The following MCM3AP variants were observed in gnomAD, a reference collection of about 807,000 sequenced individuals.
MCM3AP encodes the protein minichromosome maintenance complex component 3 associated protein, also known as germinal-center associated nuclear protein.
Under a neutral mutation model 184.1 loss-of-function variants are expected in MCM3AP, and 126 were observed. That is an observed-to-expected ratio of 0.68 (90% CI 0.59 to 0.79). The LOEUF is 0.79. Among genes scored for constraint, MCM3AP ranks in the 30% least tolerant of loss-of-function variants. MCM3AP has a pLI of 0.00. For missense variants in MCM3AP, 2,496 were observed against 2,479.2 expected (o/e 1.01, Z -0.14); for synonymous variants, 1,002 against 979.3 (o/e 1.02, Z -0.43).
intron 27 of MCM3AP, among the ~76,000 whole-genome samples, chr21:46,236,047 A>G (rs2080518835): frequency 6.6e-6 from 1 of 152,234 alleles, no homozygotes; most frequent in Admixed American, 6.5e-5. Flanking sequence ...TTCGACTTTC[A>G]TACAATAATG....
chr21:46,277,635 C>T lies in MCM3AP; in HGVS notation c.1750G>A (p.Gly584Ser). 6.2e-7 allele frequency: 1 copy of T among 1,611,594 alleles called. No individual in the cohort carries two copies. The change falls in exon 5 of 28, where the codon GGC becomes AGC. Residue 584 changes from glycine (G) to serine (S), a missense_variant. Around this residue, in one of 5 missense-constraint regions of MCM3AP, gnomAD observed 800 missense variants for 717.1 expected, o/e 1.12. Coordinates refer to ENST00000291688, the MANE Select transcript of MCM3AP (RefSeq NM_003906.5). ...AGGGAGAGCACACATGGCCCGAGGC[C>T]CTCGGAGCCCTCGGAGGCTGAGTCA... ...SFDSASEGSEGLGPCVLSLST... is the reference protein window; with the variant it reads ...SFDSASEGSESLGPCVLSLST...
At position 46,243,644 on chromosome 21, in the gene MCM3AP, A is replaced by C; in HGVS notation, c.5117T>G (p.Leu1706Arg). ...GAGCAGGTTCTCCACCTGGGACTGG[A>C]GGACAGGCTGTGTCTGGCGTGAGCT... is the stretch of plus-strand genomic sequence containing the variant. ...IPSSRQTQPV[L>R]QSQVENLLHR... The change falls in exon 24 of 28, where the codon CTC becomes CGC. Residue 1706 changes from leucine (L) to arginine (R), a missense_variant. Around this residue, in one of 5 missense-constraint regions of MCM3AP, gnomAD observed 1,323 missense variants for 1,273.4 expected, o/e 1.04. Transcript: ENST00000291688. 1 of 1,614,214 alleles carries C rather than the reference A, an allele frequency of 6.2e-7. No homozygotes were observed. Among genetic ancestry groups the C allele is most frequent in the Admixed American group, 1.7e-5 (1 of 60,028 alleles).
At position 46,256,819 on chromosome 21, in the gene MCM3AP, T is replaced by A. The variant is rs1330497633; in HGVS notation, c.3902A>T (p.His1301Leu). 2 of 1,560,738 alleles carry A rather than the reference T, an allele frequency of 1.3e-6. No homozygotes were observed. Among genetic ancestry groups the A allele is most frequent in the African/African-American group, 2.7e-5 (2 of 73,682 alleles). Residue 1301 changes from histidine to leucine, a missense_variant, in exon 17 of 28, where the codon CAT (histidine) becomes CTT (leucine). Physicochemically the swap from His to Leu is moderately conservative, Grantham distance 99 (BLOSUM62 -3). This residue lies in a region of MCM3AP where 1,323 missense variants were observed against 1,273.4 expected (regional missense o/e 1.04). Transcript: ENST00000291688. ...NLARGLLDLG[H>L]AGRLGISCTR... is the part of the protein sequence containing the mutation. ...GCAGGAGATGCCCAATCTCCCTGCATGGCCCAGGTCCAGGAGGCCCCTGGC... is the reference window on the plus strand; with the variant it reads ...GCAGGAGATGCCCAATCTCCCTGCAAGGCCCAGGTCCAGGAGGCCCCTGGC...
Position 46,243,510 on chromosome 21 carries a change from G to A in MCM3AP, c.5251C>T (p.His1751Tyr). ...WDDLIALCIN[H>Y]KLRDWTPPRL... The stretch of plus-strand genomic sequence containing the variant: ...GGGGGCGTCCAGTCTCTCAGCTTGT[G>A]GTTGATACACAAGGCGATAAGATCA... Residue 1751 changes from histidine to tyrosine, a missense_variant, in exon 24 of 28, where the codon CAC (histidine) becomes TAC (tyrosine). By Grantham distance (83) the His-to-Tyr change is moderately conservative (BLOSUM62 2). Coordinates refer to ENST00000291688, the MANE Select transcript of MCM3AP (RefSeq NM_003906.5). The A allele has an allele frequency of 6.2e-7, 1 of 1,614,122 alleles. No homozygotes were observed. The highest frequency in any genetic ancestry group is 2.2e-5 in the East Asian group (1 of 44,882).
chr21:46,235,994 A>G (rs1031559891), intron 27 of MCM3AP, among the ~76,000 whole-genome samples: 8 of 152,356 alleles, frequency 5.3e-5, no homozygotes, highest in African/African-American at 1.7e-4. Flanking sequence ...TGAATGTGTT[A>G]TAATTGTTTA....
chr21:46,262,069 CA>C (rs1469850515), intron 13 of MCM3AP, among the ~76,000 whole-genome samples: 1 of 152,096 alleles, frequency 6.6e-6, no homozygotes, highest in Non-Finnish European at 1.5e-5. Flanking sequence ...TGGCTGCCAG[CA>C]GAAAAATTAA....
intron 11 of MCM3AP, 47 bp downstream of exon 11, chr21:46,265,867 AGGCGTTCTGGT>A (rs1326728965): frequency 1.3e-6 from 2 of 1,502,346 alleles, no homozygotes; most frequent in Non-Finnish European, 1.8e-6. Context: ...GGCTCCTGGG[AGGCGTTCTGGT>A]GGGAAAATGC....
chr21:46,277,886 A>C (rs2081276304), intron 4 of MCM3AP, among the ~76,000 whole-genome samples, 169 bp from the exon 5 acceptor site: 1 of 152,198 alleles, frequency 6.6e-6, no homozygotes, highest in Non-Finnish European at 1.5e-5. Context: ...TGAGCACAAA[A>C]GCGTTATTCA....
chr21:46,266,126 C>A lies in MCM3AP; in HGVS notation c.2830G>T (p.Gly944Ter). 6.2e-7 allele frequency: 1 copy of A among 1,611,770 alleles called. No individual in the cohort carries two copies. The highest frequency in any genetic ancestry group is 8.5e-7 in the Non-Finnish European group (1 of 1,178,992). Residue 944 changes from glycine to a stop codon, truncating the protein, a stop_gained, in exon 11 of 28, where the codon GGA becomes TGA. Transcript: ENST00000291688. LOFTEE classifies it high-confidence loss of function. The stretch of plus-strand genomic sequence containing the variant: ...ACCGACTTCCTGGTCTTGGATAATC[C>A]CTCTGGTTCCAGGAATGCAGACCGG... ...LNRSAFLEPE[G>*]LSKTRKSVFI...
chr21:46,278,994 A>G (rs2081290907), intron 4 of MCM3AP, among the ~76,000 whole-genome samples: 1 of 151,940 alleles, frequency 6.6e-6, no homozygotes, highest in Non-Finnish European at 1.5e-5. Flanking sequence ...TTCAGGAAAA[A>G]AAAAAAAAAA....
Position 46,266,053 on chromosome 21 carries a change from C to T in MCM3AP, c.2903G>A (p.Gly968Glu). Residue 968 changes from glycine (G) to glutamate (E), a missense_variant, in exon 11 of 28, where the codon GGA (glycine) becomes GAA (glutamate). Transcript: ENST00000291688. ...ACGAGGGACGGGGGGCAATGGCCCT[C>T]CGTTCACAATTTCCCCGACTGACAC... ...LTVSVGEIVN[G>E]GPLPPVPRHT... 6.2e-7 allele frequency: 1 copy of T among 1,612,364 alleles called. No homozygotes were observed.
chr21:46,235,799 G>A (rs2080512640), intron 27 of MCM3AP, among the ~76,000 whole-genome samples: 1 of 152,064 alleles, frequency 6.6e-6, no homozygotes. Flanking sequence ...CACCATGCCT[G>A]GCTAATTATG....
At position 46,258,922 on chromosome 21, in the gene MCM3AP, A is replaced by G; in HGVS notation, c.3734+17T>C. On this transcript the variant is annotated intron_variant, in intron 16 of 27. Coordinates refer to ENST00000291688, the MANE Select transcript of MCM3AP (RefSeq NM_003906.5). ...CCCCGTGTGTGTGGATTTTGCCTGT[A>G]GGAACACAGGACTCACCGCTGTAGA... 1 of 1,613,808 alleles carries G rather than the reference A, an allele frequency of 6.2e-7. No homozygotes were observed. The highest frequency in any genetic ancestry group is 8.5e-7 in the Non-Finnish European group (1 of 1,179,698).
chr21:46,268,967 G>A (rs1446318727), intron 9 of MCM3AP, among the ~76,000 whole-genome samples: 1 of 152,150 alleles, frequency 6.6e-6, no homozygotes, highest in Non-Finnish European at 1.5e-5. Flanking sequence ...GAACCCAGGA[G>A]GCAGAAGTTG....
chr21:46,266,035 A>AC lies in MCM3AP; in HGVS notation c.2920dup (p.Val974GlyfsTer92). ...GCTGCACACAGGGGTATGACGAGGG[A>AC]CGGGGGGCAATGGCCCTCCGTTCAC... On this transcript the variant is annotated frameshift_variant, in exon 11 of 28. Coordinates refer to ENST00000291688, the MANE Select transcript of MCM3AP (RefSeq NM_003906.5). LOFTEE classifies it high-confidence loss of function. 1 of 1,612,108 alleles carries AC rather than the reference A, an allele frequency of 6.2e-7. No individual in the cohort carries two copies. Among genetic ancestry groups the AC allele is most frequent in the Non-Finnish European group, 8.5e-7 (1 of 1,179,196 alleles).
At chr21:46,274,655 G>C (rs1453257297) in intron 6 of MCM3AP, among the ~76,000 whole-genome samples, 2 of 152,172 alleles carry the variant, frequency 1.3e-5, no homozygotes, top group Non-Finnish European at 2.9e-5. Context: ...AAAAAAGTTA[G>C]CTGGATGTGG....
chr21:46,281,254 AAC>A (rs916791592), intron 2 of MCM3AP, among the ~76,000 whole-genome samples: 2 of 152,204 alleles, frequency 1.3e-5, no homozygotes, highest in Non-Finnish European at 2.9e-5. Context: ...GCTGCAGAAT[AAC>A]ACACATGGGA....
chr21:46,283,804 G>C lies in MCM3AP; in HGVS notation c.1254C>G (p.Asn418Lys), dbSNP rs1224129669. 1.9e-6 allele frequency: 3 copies of C among 1,613,984 alleles called. No homozygotes were observed. The highest frequency in any genetic ancestry group is 1.7e-6 in the Non-Finnish European group (2 of 1,180,030). ...CAAGACTGTCTGTGCTCTCGCTTCT[G>C]TTACTCTGACGCGCCGGAGTTCCTC... ...SLRGTPARQS[N>K]RSESTDSLGG... is the part of the protein sequence containing the mutation. The change falls in exon 2 of 28, where the codon AAC becomes AAG. Residue 418 changes from asparagine (N) to lysine (K), a missense_variant. Asn to Lys is a moderately conservative substitution (Grantham distance 94). Around this residue, in one of 5 missense-constraint regions of MCM3AP, gnomAD observed 800 missense variants for 717.1 expected, o/e 1.12. Transcript: ENST00000291688.
chr21:46,276,764 A>G (rs35459806), intron 5 of MCM3AP, among the ~76,000 whole-genome samples: 60,402 of 143,090 alleles, frequency 0.42, 12,851 homozygotes, highest in Admixed American at 0.49. Flanking sequence ...TTGAGACAGA[A>G]TCTCACCCTG....
Sources: gnomAD v4.1 joint callset for allele counts (sites outside exome capture counted in the v4.1 genomes callset) on GRCh38, gnomAD v4.1.1 for gene constraint, gnomAD v4.1.1 regional missense constraint, MANE v1.5 for transcripts, NCBI Gene and HGNC (gene_info 2026-07-23, HGNC 2026-07-21) for gene names.